NSD1: variants seen among roughly 807,000 people sequenced by gnomAD.
NSD1 encodes the protein nuclear receptor binding SET domain protein 1.
Under a neutral mutation model 242.7 loss-of-function variants are expected in NSD1, and 26 were observed. The ratio of observed to expected loss-of-function variants is 0.11; its 90% CI spans 0.08 to 0.15. NSD1 has a LOEUF of 0.15. Among genes scored for constraint, NSD1 ranks in the 10% least tolerant of loss-of-function variants. NSD1 has a pLI of 1.00. For synonymous variants in NSD1, 1,106 were observed against 1,178.1 expected (o/e 0.94, Z 1.25); for missense variants, 2,495 against 3,272.8 (o/e 0.76, Z 5.80).
At chr5:177,220,853 G>A (rs543875978) in intron 5 of NSD1, among the ~76,000 whole-genome samples, 1 of 152,052 alleles carries the variant, frequency 6.6e-6, no homozygotes, top group East Asian at 1.9e-4. Flanking sequence ...TTATGGTTAT[G>A]AGCCACTGTG....
intron 4 of NSD1, among the ~76,000 whole-genome samples, chr5:177,205,132 G>A (rs1762782910): frequency 6.6e-6 from 1 of 152,044 alleles, no homozygotes; most frequent in Admixed American, 6.6e-5. Context: ...CGCCTCCCAG[G>A]TTTGAGCCAT....
At chr5:177,265,657 C>G in intron 14 of NSD1, 1 of 1,609,116 alleles carries the variant, frequency 6.2e-7, no homozygotes, top group Non-Finnish European at 8.5e-7. Flanking sequence ...GGTCCCAGTT[C>G]TTGGCGTTGG....
intron 3 of NSD1, among the ~76,000 whole-genome samples, chr5:177,196,691 A>T (rs909167600): frequency 6.6e-6 from 1 of 152,178 alleles, no homozygotes; most frequent in Non-Finnish European, 1.5e-5. Context: ...CATGGGTGAG[A>T]TTTTTTGGGA....
intron 5 of NSD1, among the ~76,000 whole-genome samples, chr5:177,229,581 T>A (rs1421230364): frequency 1.3e-5 from 2 of 152,174 alleles, no homozygotes; most frequent in South Asian, 4.1e-4. Flanking sequence ...TCACTTACTT[T>A]TTTGCCTCAC....
At chr5:177,146,533 A>G (rs182628871) in intron 2 of NSD1, among the ~76,000 whole-genome samples, 1 of 152,212 alleles carries the variant, frequency 6.6e-6, no homozygotes, top group East Asian at 1.9e-4. Flanking sequence ...CGTTCATGTA[A>G]TTTATCCATC....
Position 177,269,660 on chromosome 5 carries a change from A to C in NSD1, c.5362A>C (p.Arg1788=). The part of the protein sequence containing the change: ...RAVPSNIDKM[R]HDVGEFPVLF... ...TGTTCCTTCCAACATTGATAAGATG[A>C]GACATGATGTGGGAGAGTTCCCAGT... Residue 1788 remains arginine (R), a synonymous_variant, in exon 16 of 23, where the codon AGA becomes CGA. Coordinates refer to ENST00000439151, the MANE Select transcript of NSD1 (RefSeq NM_022455.5). The surrounding 1 kb of genome is among the most constrained non-coding windows in gnomAD (Gnocchi z 5.1). 6.2e-7 allele frequency: 1 copy of C among 1,614,124 alleles called. No individual in the cohort carries two copies. The highest frequency in any genetic ancestry group is 8.5e-7 in the Non-Finnish European group (1 of 1,180,016).
chr5:177,260,118 G>A lies in NSD1; in HGVS notation c.5096G>A (p.Cys1699Tyr), dbSNP rs2149918034. Residue 1699 changes from cysteine to tyrosine, a missense_variant, in exon 14 of 23, where the codon TGC (cysteine) becomes TAC (tyrosine). By Grantham distance (194) the Cys-to-Tyr change is radical (BLOSUM62 -2). This residue lies in a region of NSD1 where 31 missense variants were observed against 120.2 expected (regional missense o/e 0.26). Transcript: ENST00000439151. ...CPNHFTPRRGCRNHEHVNVSW... is the reference protein window; with the variant it reads ...CPNHFTPRRGYRNHEHVNVSW... ...AATCACTTTACCCCTAGGCGGGGCTGCCGAAATCATGAGCATGTTAATGTT... is the reference window on the plus strand; with the variant it reads ...AATCACTTTACCCCTAGGCGGGGCTACCGAAATCATGAGCATGTTAATGTT... The A allele has an allele frequency of 6.2e-7, 1 of 1,614,080 alleles. No individual in the cohort carries two copies. The highest frequency in any genetic ancestry group is 8.5e-7 in the Non-Finnish European group (1 of 1,180,012).
intron 6 of NSD1, among the ~76,000 whole-genome samples, chr5:177,237,288 T>C (rs1765522454): frequency 6.6e-6 from 1 of 152,116 alleles, no homozygotes; most frequent in African/African-American, 2.4e-5. Flanking sequence ...TGGACTCTGT[T>C]ATTGTCCTGA....
chr5:177,247,848 C>A, intron 10 of NSD1: 1 of 862,300 alleles, frequency 1.2e-6, no homozygotes, highest in African/African-American at 1.8e-5. Context: ...CCAAGAGGGG[C>A]ATTATTTAGG....
In NSD1 at chr5:177,266,053, G is replaced by T. The variant is rs181780380; in HGVS notation, c.5147-1509G>T. On this transcript the variant is annotated intron_variant, in intron 14 of 22. Transcript: ENST00000439151. Reference sequence around the variant, plus strand: ...AGCCATAAACGTTCTCCCACCAGTGGATCTTGTAGTCTTTGTACTGCCGGT... The same window carrying T: ...AGCCATAAACGTTCTCCCACCAGTGTATCTTGTAGTCTTTGTACTGCCGGT... 442 of 1,089,166 alleles carry T rather than the reference G, an allele frequency of 4.1e-4. 2 individuals carry two copies. The East Asian group carries it at 8.8e-3, about 22-fold the overall frequency. The allele number at this position is 1,089,166 out of a possible 1,614,324, so 67.5% of individuals were successfully genotyped here.
chr5:177,268,495 T>C (rs999482099), intron 15 of NSD1, among the ~76,000 whole-genome samples: 1 of 152,012 alleles, frequency 6.6e-6, no homozygotes, highest in Admixed American at 6.6e-5. Context: ...TTAAAAAATA[T>C]ATTTTGATTG....
chr5:177,159,790 C>T (rs892104779), intron 2 of NSD1, among the ~76,000 whole-genome samples: 2 of 151,062 alleles, frequency 1.3e-5, no homozygotes, highest in Non-Finnish European at 3.0e-5. Flanking sequence ...TGGGGTTTCT[C>T]CGTGTTGAGA....
Position 177,237,500 on chromosome 5 carries a change from T to C in NSD1, c.3922-737T>C, listed in dbSNP as rs1001897065. ...TCATTTAATTTTGGTTAAAAAAATA[T>C]ATATATATAATGTAAATTTTATTAT... On this transcript the variant is annotated intron_variant, in intron 6 of 22. Coordinates refer to ENST00000439151, the MANE Select transcript of NSD1 (RefSeq NM_022455.5). Among the ~76,000 whole-genome samples the C allele has an allele frequency of 3.4e-5, 5 of 149,156 alleles. No individual in the cohort carries two copies. The East Asian group carries it at 7.7e-4, about 23-fold the overall frequency.
intron 17 of NSD1, among the ~76,000 whole-genome samples, chr5:177,276,925 T>TCA (rs1758436820): frequency 6.6e-6 from 1 of 152,334 alleles, no homozygotes; most frequent in East Asian, 1.9e-4. Context: ...TAAATGAGTC[T>TCA]CACAATGTAT....
chr5:177,142,722 T>G (rs1345702344), intron 2 of NSD1, among the ~76,000 whole-genome samples: 1 of 152,204 alleles, frequency 6.6e-6, no homozygotes, highest in Non-Finnish European at 1.5e-5. Context: ...TTGTTGGTCT[T>G]CATTTAGTCT....
intron 2 of NSD1, among the ~76,000 whole-genome samples, chr5:177,172,762 C>G (rs1759818925): frequency 6.6e-6 from 1 of 151,808 alleles, no homozygotes; most frequent in East Asian, 1.9e-4. Flanking sequence ...ACTTGGAGAC[C>G]AGCCTAGGCA....
intron 2 of NSD1, among the ~76,000 whole-genome samples, chr5:177,182,320 AG>A (rs1760758933): frequency 6.6e-6 from 1 of 152,178 alleles, no homozygotes; most frequent in Non-Finnish European, 1.5e-5. Flanking sequence ...ACTCTGTCTC[AG>A]CAAAAACAAA....
Position 177,295,495 on chromosome 5 carries a change from C to T in NSD1, c.*36C>T. ...TGTCACATGAACAAACAAGCTGCCC[C>T]CAGGGTACCATTTGGGGAGGGGAAA... On this transcript the variant is annotated 3_prime_UTR_variant, in exon 23 of 23. Transcript: ENST00000439151. The surrounding 1 kb of genome is among the most constrained non-coding windows in gnomAD (Gnocchi z 4.3). 2 of 1,604,950 alleles carry T rather than the reference C, an allele frequency of 1.2e-6. No individual in the cohort carries two copies. Among genetic ancestry groups the T allele is most frequent in the Non-Finnish European group, 1.7e-6 (2 of 1,173,440 alleles).
chr5:177,247,458 G>A (rs979970284), intron 10 of NSD1, among the ~76,000 whole-genome samples: 3 of 152,066 alleles, frequency 2.0e-5, no homozygotes, highest in Admixed American at 1.3e-4. Flanking sequence ...CTGGCTGGGC[G>A]TTGTGGCTCA....
Sources: gnomAD v4.1 joint callset for allele counts (sites outside exome capture counted in the v4.1 genomes callset) on GRCh38, gnomAD v4.1.1 for gene constraint, gnomAD v4.1.1 regional missense constraint, Gnocchi (gnomAD v3.1) non-coding constraint, MANE v1.5 for transcripts, NCBI Gene and HGNC (gene_info 2026-07-23, HGNC 2026-07-21) for gene names.